Variants in ATG13 observed in about 807,000 individuals in gnomAD.
ATG13 encodes the protein autophagy-related protein 13.
In ATG13, 23 loss-of-function variants were observed where a neutral mutation model predicts 65.5. The ratio of observed to expected loss-of-function variants is 0.35; its 90% CI spans 0.25 to 0.50. The LOEUF (loss-of-function observed/expected upper bound fraction) is 0.50, where lower values mean the gene tolerates loss of function less well. ATG13 is among the 20% of genes least tolerant of loss of function. The pLI, the probability that ATG13 is intolerant of heterozygous loss-of-function variation, is 0.98. For synonymous variants in ATG13, 252 were observed against 245.2 expected (o/e 1.03, Z -0.26); for missense variants, 566 against 677.0 (o/e 0.84, Z 1.82).
intron 3 of ATG13, 64 bp downstream of exon 3, chr11:46,644,424 C>G (rs376775323): frequency 1.5e-6 from 2 of 1,366,660 alleles, no homozygotes; most frequent in Non-Finnish European, 1.0e-6. Context: ...CTCCCTTTTG[C>G]GAACAACTCT....
At chr11:46,670,792 A>T (rs1320249752) in intron 18 of ATG13, among the ~76,000 whole-genome samples, 1 of 152,168 alleles carries the variant, frequency 6.6e-6, no homozygotes, top group African/African-American at 2.4e-5. Context: ...AGCCTAGGTG[A>T]CAGAGTGAGA....
intron 11 of ATG13, among the ~76,000 whole-genome samples, chr11:46,662,858 G>C (rs2061462534): frequency 6.6e-6 from 1 of 152,218 alleles, no homozygotes; most frequent in Admixed American, 6.5e-5. Context: ...TTTGCCAACA[G>C]TATAAGGATC....
At chr11:46,656,964 T>A in intron 8 of ATG13, 131 bp from the exon 9 acceptor site, 3 of 746,880 alleles carry the variant, frequency 4.0e-6, no homozygotes, top group Non-Finnish European at 7.1e-6. Flanking sequence ...AAATTAAGGC[T>A]GCTGCACTTA....
chr11:46,623,989 G>T (rs1591432727), intron 1 of ATG13, among the ~76,000 whole-genome samples: 1 of 148,820 alleles, frequency 6.7e-6, no homozygotes, highest in Non-Finnish European at 1.5e-5. Flanking sequence ...GGACCAAAAT[G>T]TAATTTTATC....
At chr11:46,665,832 TCTCA>T (rs1298988354) in intron 14 of ATG13, among the ~76,000 whole-genome samples, 2 of 125,520 alleles carry the variant, frequency 1.6e-5, no homozygotes, top group African/African-American at 6.4e-5. Context: ...GGAGACAGAG[TCTCA>T]CTCTGTTGCC....
At chr11:46,653,578 T>G (rs992299518) in intron 7 of ATG13, among the ~76,000 whole-genome samples, 25 of 152,120 alleles carry the variant, frequency 1.6e-4, no homozygotes, top group East Asian at 9.7e-4. Context: ...TTTTTTTTTT[T>G]TTGTTTTTTG....
rs1255137383 is a variant in ATG13 at position 46,674,199 on chromosome 11, A to G, written c.*1867A>G. 1.3e-5 allele frequency: 2 copies of G among 152,188 alleles called. No individual in the cohort carries two copies. The highest frequency in any genetic ancestry group is 2.9e-5 in the Non-Finnish European group (2 of 68,028). The allele number at this position is 152,188 out of a possible 1,614,324, so 9.4% of individuals were successfully genotyped here. ...GGCCTAGCCATTGTCTGAGGCAGCA[A>G]TCTTTGGCATCTACAGGTGGCAGCA... On this transcript the variant is annotated 3_prime_UTR_variant, in exon 19 of 19. Transcript: ENST00000683050.
At chr11:46,659,080 C>T (rs1323518449) in intron 10 of ATG13, among the ~76,000 whole-genome samples, 1 of 151,984 alleles carries the variant, frequency 6.6e-6, no homozygotes, top group Non-Finnish European at 1.5e-5. Context: ...CCCAGCTACT[C>T]GAGGCTGAAG....
At chr11:46,642,563 C>T (rs1427898891) in intron 2 of ATG13, among the ~76,000 whole-genome samples, 1 of 152,104 alleles carries the variant, frequency 6.6e-6, no homozygotes, top group Non-Finnish European at 1.5e-5. Context: ...CCTCGGCCTC[C>T]CAAAGTGCTA....
intron 1 of ATG13, among the ~76,000 whole-genome samples, chr11:46,623,914 T>C (rs1317880223): frequency 6.6e-6 from 1 of 152,104 alleles, no homozygotes; most frequent in African/African-American, 2.4e-5. Flanking sequence ...ATTTACACAT[T>C]CTTATTCTTT....
At chr11:46,644,505 C>G (rs555073610) in intron 3 of ATG13, 145 bp downstream of exon 3, 23 of 642,444 alleles carry the variant, frequency 3.6e-5, no homozygotes, top group Non-Finnish European at 5.1e-6. Context: ...GTCAACCAAA[C>G]TGTGAGGTAT....
At chr11:46,666,369 A>G (rs2062363321) in intron 14 of ATG13, among the ~76,000 whole-genome samples, 1 of 152,194 alleles carries the variant, frequency 6.6e-6, no homozygotes, top group Admixed American at 6.5e-5. Flanking sequence ...ATGGCCCTGA[A>G]GTCTGGGCCA....
rs199526103 is a variant in ATG13 at position 46,659,352 on chromosome 11, C to T, written c.696-40C>T. On this transcript the variant is annotated intron_variant, in intron 10 of 18. Transcript: ENST00000683050. ...TTATAGCCTTTCTGAAATTGACTGC[C>T]ACCACCATAAAATTCATTATTTCTT... 5 of 1,507,160 alleles carry T rather than the reference C, an allele frequency of 3.3e-6. No individual in the cohort carries two copies. The South Asian group carries it at 5.6e-5, about 17-fold the overall frequency. The allele number at this position is 1,507,160 out of a possible 1,614,324, so 93.4% of individuals were successfully genotyped here. A position where few individuals can be genotyped will look rare whatever the true frequency, so the allele number is the denominator to read the frequency against.
chr11:46,633,451 G>A (rs2052713978), intron 2 of ATG13, among the ~76,000 whole-genome samples: 1 of 150,842 alleles, frequency 6.6e-6, no homozygotes. Context: ...GTATTCAAGT[G>A]ATTCTTGTGC....
At chr11:46,636,496 T>C (rs886502587) in intron 2 of ATG13, among the ~76,000 whole-genome samples, 2 of 138,042 alleles carry the variant, frequency 1.4e-5, no homozygotes, top group South Asian at 4.4e-4. Flanking sequence ...AAGCGGAGCT[T>C]GCAGTGAGCC....
intron 14 of ATG13, 65 bp downstream of exon 14, chr11:46,665,584 G>T: frequency 6.4e-7 from 1 of 1,569,558 alleles, no homozygotes; most frequent in East Asian, 2.3e-5. Flanking sequence ...CCTGACACAC[G>T]TGCTTATTTA....
chr11:46,658,877 G>C (rs1485731270), intron 10 of ATG13, among the ~76,000 whole-genome samples: 3 of 152,100 alleles, frequency 2.0e-5, no homozygotes, highest in Non-Finnish European at 4.4e-5. Context: ...TCAAATAATA[G>C]GTCAGGTAAG....
At position 46,657,570 on chromosome 11, in the gene ATG13, T is replaced by C; in HGVS notation, c.643T>C (p.Phe215Leu). 1 of 1,613,900 alleles carries C rather than the reference T, an allele frequency of 6.2e-7. No homozygotes were observed. The highest frequency in any genetic ancestry group is 8.5e-7 in the Non-Finnish European group (1 of 1,179,892). ...TATCATGGGGATTATTATTGATCAC[T>C]TTGTGGACCGTCCCTATCCCAGCTC... ...PPIMGIIIDHFVDRPYPSSSP... is the reference protein window; with the variant it reads ...PPIMGIIIDHLVDRPYPSSSP... The change falls in exon 10 of 19, where the codon TTT becomes CTT. Residue 215 changes from phenylalanine to leucine, a missense_variant. Phe to Leu is a conservative substitution (Grantham distance 22). This residue lies in a region of ATG13 where 179 missense variants were observed against 267.2 expected (regional missense o/e 0.67). Coordinates refer to ENST00000683050, the MANE Select transcript of ATG13 (RefSeq NM_001346311.2).
At chr11:46,626,037 G>A (rs916841993) in intron 1 of ATG13, among the ~76,000 whole-genome samples, 1 of 151,754 alleles carries the variant, frequency 6.6e-6, no homozygotes, top group Non-Finnish European at 1.5e-5. Context: ...CTCACTGCAA[G>A]CTCCGTCTCC....
Sources: gnomAD v4.1 joint callset for allele counts (sites outside exome capture counted in the v4.1 genomes callset) on GRCh38, gnomAD v4.1.1 for gene constraint, gnomAD v4.1.1 regional missense constraint, MANE v1.5 for transcripts, NCBI Gene and HGNC (gene_info 2026-07-23, HGNC 2026-07-21) for gene names.